The following ELMOD2 variants were observed in gnomAD, a reference collection of about 807,000 sequenced individuals.
ELMOD2 encodes the protein ELMO domain containing 2.
In ELMOD2, 28 loss-of-function variants were observed where a neutral mutation model predicts 41.0. The ratio of observed to expected loss-of-function variants is 0.68; its 90% CI spans 0.51 to 0.94. ELMOD2 has a LOEUF of 0.94. Among genes scored for constraint, ELMOD2 ranks in the 40% least tolerant of loss-of-function variants. The probability of loss-of-function intolerance (pLI) is 0.00; values close to 1 mark genes in which losing one functional copy is unlikely to be tolerated. For synonymous variants in ELMOD2, 106 were observed against 107.2 expected (o/e 0.99, Z 0.07); for missense variants, 333 against 343.1 (o/e 0.97, Z 0.23).
rs1408616184 is a variant in ELMOD2 at position 140,535,154 on chromosome 4, TCTCTCTC to T, written c.172-578_172-572del. 4.1e-5 allele frequency among the ~76,000 whole-genome samples: 6 copies of T among 144,680 alleles called. 1 individual carries two copies. Among genetic ancestry groups the T allele is most frequent in the African/African-American group, 1.3e-4 (5 of 37,106 alleles). 94.9% of individuals were successfully genotyped at this position (144,680 alleles called of 152,430 possible). On this transcript the variant is annotated intron_variant, in intron 3 of 8. Transcript: ENST00000323570. The stretch of plus-strand genomic sequence containing the variant: ...CTGTTTCTTTCTCTCTCTCTCTCTC[TCTCTCTC>T]TCTCTCTCTCTCTCTCGCCTTGGGG...
intron 1 of ELMOD2, chr4:140,524,578 A>G (rs1734490708): frequency 1.0e-6 from 1 of 985,200 alleles, no homozygotes; most frequent in African/African-American, 1.7e-5. Context: ...ATAATGATCA[A>G]CCCAGCTGTG....
intron 8 of ELMOD2, among the ~76,000 whole-genome samples, chr4:140,547,565 AAAGTT>A (rs1366511951): frequency 6.6e-6 from 1 of 152,200 alleles, no homozygotes; most frequent in African/African-American, 2.4e-5. Flanking sequence ...TTTGTATAAT[AAAGTT>A]ATGTCTCAAT....
intron 3 of ELMOD2, among the ~76,000 whole-genome samples, chr4:140,532,284 T>G (rs1734775965): frequency 6.6e-6 from 1 of 151,552 alleles, no homozygotes; most frequent in South Asian, 2.1e-4. Context: ...CTCACCTCAG[T>G]CTTTCTCGAG....
intron 8 of ELMOD2, among the ~76,000 whole-genome samples, chr4:140,545,893 G>A (rs912502282): frequency 1.4e-4 from 22 of 152,318 alleles, no homozygotes; most frequent in African/African-American, 4.8e-4. Flanking sequence ...TGATGGGACT[G>A]TAAACTAGTT....
At chr4:140,532,044 A>T (rs1401817864) in intron 3 of ELMOD2, among the ~76,000 whole-genome samples, 1 of 152,220 alleles carries the variant, frequency 6.6e-6, no homozygotes, top group East Asian at 1.9e-4. Flanking sequence ...AGATATAGAC[A>T]ATATAATATA....
At chr4:140,537,361 T>A in intron 4 of ELMOD2, 51 bp from the exon 5 acceptor site, 1 of 1,412,906 alleles carries the variant, frequency 7.1e-7, no homozygotes, top group Non-Finnish European at 9.3e-7. Flanking sequence ...TATGAAAGAC[T>A]TTATTGTGAT....
chr4:140,535,912 T>G (rs1734908967), intron 4 of ELMOD2, 82 bp downstream of exon 4: 1 of 1,269,872 alleles, frequency 7.9e-7, no homozygotes, highest in East Asian at 2.5e-5. Flanking sequence ...TGTAACACTT[T>G]AGAGCTGAAG....
intron 3 of ELMOD2, among the ~76,000 whole-genome samples, chr4:140,534,212 A>C (rs905517407): frequency 2.6e-5 from 4 of 152,172 alleles, no homozygotes; most frequent in African/African-American, 9.6e-5. Context: ...TCAACAATTA[A>C]AAGGGACAAA....
chr4:140,546,110 G>C (rs1258464836), intron 8 of ELMOD2, among the ~76,000 whole-genome samples: 1 of 152,074 alleles, frequency 6.6e-6, no homozygotes, highest in South Asian at 2.1e-4. Context: ...TGATAGACTG[G>C]ATTAAGAAAA....
At chr4:140,526,256 A>G (rs1316410186) in intron 2 of ELMOD2, among the ~76,000 whole-genome samples, 2 of 152,196 alleles carry the variant, frequency 1.3e-5, no homozygotes, top group African/African-American at 4.8e-5. Flanking sequence ...GTTTCTTTTT[A>G]CTTTAATGTG....
Position 140,543,549 on chromosome 4 carries a change from T to C in ELMOD2, c.699T>C (p.Pro233=). 1 of 1,603,640 alleles carries C rather than the reference T, an allele frequency of 6.2e-7. No homozygotes were observed. Residue 233 remains proline, a synonymous_variant, in exon 8 of 9, where the codon CCT becomes CCC. Coordinates refer to ENST00000323570, the MANE Select transcript of ELMOD2 (RefSeq NM_153702.4). ...AGTTTCATCTCTATAACCTTGTTCC[T>C]GGTATACCAACAATGGAACACTTTC... is the stretch of plus-strand genomic sequence containing the variant. ...ALKFHLYNLV[P]GIPTMEHFHQ...
At chr4:140,546,795 T>A (rs1002208009) in intron 8 of ELMOD2, among the ~76,000 whole-genome samples, 1 of 152,040 alleles carries the variant, frequency 6.6e-6, no homozygotes, top group East Asian at 1.9e-4. Flanking sequence ...TGACACCATC[T>A]CGGCTGGCTC....
intron 8 of ELMOD2, among the ~76,000 whole-genome samples, chr4:140,545,917 A>G (rs1045361449): frequency 3.3e-5 from 5 of 152,314 alleles, no homozygotes; most frequent in Admixed American, 2.6e-4. Flanking sequence ...CCATTGTGGA[A>G]GACAGTGTGG....
chr4:140,529,035 G>A (rs544914087), intron 3 of ELMOD2, among the ~76,000 whole-genome samples: 129 of 152,232 alleles, frequency 8.5e-4, no homozygotes, highest in African/African-American at 2.5e-3. Context: ...TATATTTCAG[G>A]TCCATTACAA....
intron 3 of ELMOD2, chr4:140,527,892 A>T (rs1257618892): frequency 6.1e-6 from 1 of 163,080 alleles, no homozygotes; most frequent in Non-Finnish European, 1.3e-5. Context: ...AATTCATGCT[A>T]TGTATTAGTC....
At chr4:140,540,402 C>A (rs1735069215) in intron 6 of ELMOD2, 101 bp downstream of exon 6, 2 of 1,435,314 alleles carry the variant, frequency 1.4e-6, no homozygotes, top group Non-Finnish European at 1.9e-6. Flanking sequence ...TTCATACTAT[C>A]TCTGAATTTT....
intron 8 of ELMOD2, among the ~76,000 whole-genome samples, chr4:140,544,114 G>A (rs1450109803): frequency 6.6e-6 from 1 of 152,072 alleles, no homozygotes; most frequent in Admixed American, 6.6e-5. Flanking sequence ...GAATACTGAA[G>A]GTTTAATTGA....
intron 3 of ELMOD2, among the ~76,000 whole-genome samples, chr4:140,530,376 T>C (rs1333253456): frequency 6.6e-6 from 1 of 152,152 alleles, no homozygotes; most frequent in Non-Finnish European, 1.5e-5. Flanking sequence ...CTTTGGGATA[T>C]TCAAAAGATA....
intron 3 of ELMOD2, chr4:140,535,482 C>A (rs1270561820): frequency 2.9e-6 from 1 of 346,434 alleles, no homozygotes; most frequent in Non-Finnish European, 5.1e-6. Context: ...GAGAACTCAT[C>A]AGCTGAGAAC....
Sources: allele counts gnomAD v4.1 joint callset (sites outside exome capture counted in the v4.1 genomes callset), GRCh38; gene constraint gnomAD v4.1.1; transcripts MANE v1.5; gene names NCBI Gene and HGNC (gene_info 2026-07-23, HGNC 2026-07-21).